FOXP1: variants seen among roughly 807,000 people sequenced by gnomAD.
FOXP1 encodes the protein forkhead box protein P1.
In FOXP1, 15 loss-of-function variants were observed where a neutral mutation model predicts 98.2. The observed-to-expected ratio is 0.15, with a 90% CI of 0.10 to 0.24. The LOEUF (loss-of-function observed/expected upper bound fraction) is 0.24, where lower values mean the gene tolerates loss of function less well. FOXP1 is among the 10% of genes least tolerant of loss of function. The pLI is 1.00. For synonymous variants in FOXP1, 371 were observed against 314.5 expected (o/e 1.18, Z -1.90); for missense variants, 633 against 848.5 (o/e 0.75, Z 3.15).
At chr3:71,454,703 G>A (rs971685892) in intron 3 of FOXP1, among the ~76,000 whole-genome samples, 2 of 152,018 alleles carry the variant, frequency 1.3e-5, no homozygotes, top group Non-Finnish European at 2.9e-5. Flanking sequence ...TCTTGATGGG[G>A]AGATGGTAGC....
chr3:71,092,517 G>C (rs768717158), intron 7 of FOXP1, among the ~76,000 whole-genome samples: 25 of 152,204 alleles, frequency 1.6e-4, no homozygotes, highest in Non-Finnish European at 3.4e-4. Context: ...TTGAGGACAG[G>C]AGGAGGCTGG....
At chr3:71,258,151 A>G (rs2068794691) in intron 5 of FOXP1, among the ~76,000 whole-genome samples, 1 of 152,224 alleles carries the variant, frequency 6.6e-6, no homozygotes, top group African/African-American at 2.4e-5. Flanking sequence ...AAAAGAACCC[A>G]CTAAAATACA....
intron 12 of FOXP1, among the ~76,000 whole-genome samples, chr3:71,012,921 T>A (rs2043869253): frequency 2.0e-5 from 3 of 152,180 alleles, no homozygotes; most frequent in Admixed American, 2.0e-4. Flanking sequence ...TGTGCATATG[T>A]TTGATTACAT....
intron 7 of FOXP1, among the ~76,000 whole-genome samples, chr3:71,110,445 C>A (rs1451248834): frequency 6.6e-6 from 1 of 152,046 alleles, no homozygotes; most frequent in African/African-American, 2.4e-5. Flanking sequence ...GCACTTGAGG[C>A]CTGATGAATT....
intron 5 of FOXP1, among the ~76,000 whole-genome samples, chr3:71,238,439 G>GT (rs1553795122): frequency 0.013 from 2,034 of 151,920 alleles, 34 homozygotes; most frequent in African/African-American, 0.047. Context: ...GGTGTGGGGG[G>GT]GTGTGTGTGT....
chr3:71,414,637 T>TCCAA (rs2083063578), intron 3 of FOXP1, among the ~76,000 whole-genome samples: 4 of 152,344 alleles, frequency 2.6e-5, no homozygotes, highest in Admixed American at 2.0e-4. Context: ...CTTCTAGACG[T>TCCAA]GCCCCAGCCC....
At chr3:71,488,469 G>A (rs1313239651) in intron 3 of FOXP1, among the ~76,000 whole-genome samples, 5 of 152,110 alleles carry the variant, frequency 3.3e-5, no homozygotes, top group African/African-American at 9.7e-5. Flanking sequence ...GCTGCTTATG[G>A]GCAGGAAGGG....
At chr3:71,532,475 G>A (rs1238642026) in intron 2 of FOXP1, among the ~76,000 whole-genome samples, 1 of 152,148 alleles carries the variant, frequency 6.6e-6, no homozygotes, top group Non-Finnish European at 1.5e-5. Context: ...CTGGATGGCT[G>A]TCATCTTACC....
chr3:71,487,873 A>T (rs994428727), intron 3 of FOXP1, among the ~76,000 whole-genome samples: 19 of 152,240 alleles, frequency 1.2e-4, no homozygotes, highest in African/African-American at 4.6e-4. Flanking sequence ...TCATATTCTC[A>T]TTCCTAGACT....
At chr3:71,484,243 A>G (rs2090493283) in intron 3 of FOXP1, among the ~76,000 whole-genome samples, 1 of 152,244 alleles carries the variant, frequency 6.6e-6, no homozygotes, top group Non-Finnish European at 1.5e-5. Context: ...TGATCAGTAA[A>G]TAATACACGT....
Position 71,001,205 on chromosome 3 carries a change from C to T in FOXP1, c.975-146G>A, listed in dbSNP as rs1243795288. ...GGGGGTGGCCTGTCCTTTCCATCCC[C>T]ACCCTTTAATGCTGTCATTATGTAT... is the stretch of plus-strand genomic sequence containing the variant. On this transcript the variant is annotated intron_variant, in intron 12 of 20. Transcript: ENST00000649528. The T allele has an allele frequency of 8.9e-6, 6 of 676,736 alleles. No individual in the cohort carries two copies. In the Admixed American group the frequency reaches 1.2e-4, roughly 14 times the overall value. The allele number at this position is 676,736 out of a possible 1,614,324, so 41.9% of individuals were successfully genotyped here.
intron 3 of FOXP1, 148 bp from the exon 4 acceptor site, chr3:71,359,392 T>A (rs2078393583): frequency 6.6e-6 from 1 of 152,198 alleles, no homozygotes; most frequent in Non-Finnish European, 1.5e-5. Flanking sequence ...ATCTATTTTA[T>A]CCTTTGCCTT....
At chr3:71,148,222 C>A (rs2060406599) in intron 6 of FOXP1, among the ~76,000 whole-genome samples, 1 of 152,080 alleles carries the variant, frequency 6.6e-6, no homozygotes, top group Non-Finnish European at 1.5e-5. Flanking sequence ...ATTAAAAGTA[C>A]AAAAATTAGC....
At chr3:71,328,973 C>CT (rs1442119489) in intron 4 of FOXP1, among the ~76,000 whole-genome samples, 3 of 36,986 alleles carry the variant, frequency 8.1e-5, no homozygotes, top group Non-Finnish European at 1.8e-4. Context: ...CTCCATCTCG[C>CT]TAAAAAAAAA....
intron 2 of FOXP1, among the ~76,000 whole-genome samples, chr3:71,579,636 T>TC (rs1435939410): frequency 1.4e-5 from 2 of 147,944 alleles, no homozygotes; most frequent in Non-Finnish European, 3.0e-5. Context: ...TTTTTTCTTT[T>TC]TTTTTTTTTT....
chr3:70,961,840 C>G (rs2033605231), intron 20 of FOXP1, among the ~76,000 whole-genome samples: 1 of 152,094 alleles, frequency 6.6e-6, no homozygotes, highest in African/African-American at 2.4e-5. Context: ...GTAGGATGAT[C>G]ACTTGAGCCC....
chr3:71,488,259 T>C (rs933817403), intron 3 of FOXP1, among the ~76,000 whole-genome samples: 1 of 152,250 alleles, frequency 6.6e-6, no homozygotes, highest in Non-Finnish European at 1.5e-5. Flanking sequence ...AATCTTCTAA[T>C]TGGAATTTAA....
At chr3:71,253,298 T>C (rs17008403) in intron 5 of FOXP1, among the ~76,000 whole-genome samples, 33,902 of 152,072 alleles carry the variant, frequency 0.22, 4,036 homozygotes, top group East Asian at 0.41. Flanking sequence ...TAAAGAACCA[T>C]CCGGCAACTT....
At chr3:71,063,344 T>G (rs1259073457) in intron 7 of FOXP1, among the ~76,000 whole-genome samples, 1 of 152,272 alleles carries the variant, frequency 6.6e-6, no homozygotes, top group Non-Finnish European at 1.5e-5. Context: ...AAGGAAGCTT[T>G]GTATTCTTTT....
Sources: gnomAD v4.1 joint callset for allele counts (sites outside exome capture counted in the v4.1 genomes callset) on GRCh38, gnomAD v4.1.1 for gene constraint, MANE v1.5 for transcripts, NCBI Gene and HGNC (gene_info 2026-07-23, HGNC 2026-07-21) for gene names.